CSMD1: variants seen among roughly 807,000 people sequenced by gnomAD.
CSMD1 encodes the protein CUB and Sushi multiple domains 1, also known as CUB and sushi domain-containing protein 1.
A neutral mutation model predicts 417.5 loss-of-function variants in CSMD1; 213 were observed. The observed-to-expected ratio is 0.51, with a 90% CI of 0.46 to 0.57. The LOEUF is 0.57. CSMD1 is among the 20% of genes least tolerant of loss of function. The pLI is 0.00. For missense variants in CSMD1, 6,923 were observed against 4,529.7 expected, an observed-to-expected ratio of 1.53 and a Z score of -15.17; for synonymous variants, 2,862 against 1,736.8, an observed-to-expected ratio of 1.65 and a Z score of -16.11.
At chr8:3,565,374 T>C (rs538488263) in intron 10 of CSMD1, among the ~76,000 whole-genome samples, 17 of 152,166 alleles carry the variant, frequency 1.1e-4, no homozygotes, top group African/African-American at 3.1e-4. Flanking sequence ...AAAGGTCTGA[T>C]TGAATAATGG....
intron 11 of CSMD1, among the ~76,000 whole-genome samples, chr8:3,479,731 C>G (rs1426950161): frequency 6.6e-6 from 1 of 151,780 alleles, no homozygotes; most frequent in Non-Finnish European, 1.5e-5. Flanking sequence ...ACACCAAGAG[C>G]CAAGGAAATC....
At chr8:3,756,675 G>A (rs1251460938) in intron 5 of CSMD1, among the ~76,000 whole-genome samples, 1 of 152,196 alleles carries the variant, frequency 6.6e-6, no homozygotes, top group African/African-American at 2.4e-5. Context: ...AATGTAGGAA[G>A]CTGCATGTAC....
chr8:4,156,739 G>A (rs1208697171), intron 3 of CSMD1, among the ~76,000 whole-genome samples: 1 of 152,164 alleles, frequency 6.6e-6, no homozygotes, highest in African/African-American at 2.4e-5. Flanking sequence ...GCCAGTGACA[G>A]CTTCAACCTT....
At chr8:4,082,922 T>C (rs1244361122) in intron 3 of CSMD1, among the ~76,000 whole-genome samples, 1 of 151,994 alleles carries the variant, frequency 6.6e-6, no homozygotes. Flanking sequence ...ATTTCATCCA[T>C]GTCCTTACAA....
intron 12 of CSMD1, among the ~76,000 whole-genome samples, chr8:3,411,290 C>G (rs1358830885): frequency 6.6e-6 from 1 of 152,104 alleles, no homozygotes; most frequent in Non-Finnish European, 1.5e-5. Context: ...TGGGCTTGCA[C>G]TTTATTATCT....
intron 3 of CSMD1, among the ~76,000 whole-genome samples, chr8:4,132,964 C>T (rs984212727): frequency 6.6e-6 from 1 of 152,116 alleles, no homozygotes; most frequent in African/African-American, 2.4e-5. Context: ...GATGGAGTCT[C>T]GCTCTGTTAT....
intron 1 of CSMD1, among the ~76,000 whole-genome samples, chr8:4,912,638 C>G (rs537959232): frequency 3.3e-4 from 50 of 152,172 alleles, no homozygotes; most frequent in Non-Finnish European, 5.7e-4. Flanking sequence ...TTTGTAAATA[C>G]CTGTGACATG....
chr8:3,302,804 C>G (rs1804520586), intron 25 of CSMD1, among the ~76,000 whole-genome samples: 1 of 152,144 alleles, frequency 6.6e-6, no homozygotes, highest in South Asian at 2.1e-4. Context: ...ACCATGGCAG[C>G]TGAAATGTGA....
chr8:4,307,316 C>G (rs752028549), intron 3 of CSMD1, among the ~76,000 whole-genome samples: 5 of 152,118 alleles, frequency 3.3e-5, no homozygotes, highest in Non-Finnish European at 7.3e-5. Flanking sequence ...ACAGGCATCA[C>G]ACATGTCCAC....
In CSMD1 at chr8:3,091,571, G is replaced by C; in HGVS notation, c.7230C>G (p.Leu2410=). ...TGGTGGCATGGTCAGTGGACCAGCG[G>C]AGATATAACTGATTACTCCTGCTTG... ...NFTSRSNQLY[L]RWSTDHATSK... is the part of the protein sequence containing the mutation. Residue 2410 remains leucine, a synonymous_variant, in exon 48 of 70, where the codon CTC becomes CTG. Coordinates refer to ENST00000635120, the MANE Select transcript of CSMD1 (RefSeq NM_033225.6). 2 of 1,610,486 alleles carry C rather than the reference G, an allele frequency of 1.2e-6. No individual in the cohort carries two copies. Among genetic ancestry groups the C allele is most frequent in the Non-Finnish European group, 1.7e-6 (2 of 1,179,108 alleles).
intron 5 of CSMD1, among the ~76,000 whole-genome samples, chr8:3,809,843 T>C (rs988058800): frequency 1.3e-5 from 2 of 152,176 alleles, no homozygotes; most frequent in African/African-American, 4.8e-5. Context: ...AATGCAGACC[T>C]CTAGAAAAAC....
At chr8:3,204,742 T>A (rs1440616963) in intron 31 of CSMD1, among the ~76,000 whole-genome samples, 1 of 152,228 alleles carries the variant, frequency 6.6e-6, no homozygotes, top group East Asian at 1.9e-4. Flanking sequence ...GTGAGTGCTG[T>A]CTCAGACATA....
intron 1 of CSMD1, among the ~76,000 whole-genome samples, chr8:4,815,366 G>A (rs1313213678): frequency 2.6e-5 from 4 of 152,110 alleles, no homozygotes; most frequent in Admixed American, 1.3e-4. Flanking sequence ...GCCAGCTTGT[G>A]GACACGTAGC....
intron 3 of CSMD1, among the ~76,000 whole-genome samples, chr8:4,115,060 C>G (rs557719305): frequency 6.6e-6 from 1 of 152,134 alleles, no homozygotes; most frequent in Non-Finnish European, 1.5e-5. Context: ...GAAAGAATTG[C>G]TACTCCGAGC....
At chr8:3,059,710 A>C (rs934083271) in intron 49 of CSMD1, among the ~76,000 whole-genome samples, 2 of 152,168 alleles carry the variant, frequency 1.3e-5, no homozygotes, top group Non-Finnish European at 2.9e-5. Context: ...AGGGCAGCCC[A>C]TGAGAGAGAG....
intron 5 of CSMD1, among the ~76,000 whole-genome samples, chr8:3,780,514 T>G (rs111804573): frequency 6.6e-6 from 1 of 152,224 alleles, no homozygotes; most frequent in Non-Finnish European, 1.5e-5. Context: ...AAGTCAATTT[T>G]TGTGGTACTA....
intron 3 of CSMD1, among the ~76,000 whole-genome samples, chr8:4,236,313 G>T (rs545269100): frequency 1.3e-5 from 2 of 152,120 alleles, no homozygotes; most frequent in Non-Finnish European, 2.9e-5. Context: ...GCAGGAAACA[G>T]TATAGTATAG....
At chr8:4,597,148 T>G (rs1449417535) in intron 2 of CSMD1, among the ~76,000 whole-genome samples, 1 of 152,102 alleles carries the variant, frequency 6.6e-6, no homozygotes, top group African/African-American at 2.4e-5. Context: ...ACAAAAGCAG[T>G]TTCCTCTCCT....
intron 7 of CSMD1, among the ~76,000 whole-genome samples, chr8:3,619,134 A>T (rs555265943): frequency 3.9e-5 from 6 of 152,188 alleles, no homozygotes; most frequent in African/African-American, 1.4e-4. Flanking sequence ...GGTCCCAATG[A>T]GAAGATGAGG....
Sources: gnomAD v4.1 joint callset for allele counts (sites outside exome capture counted in the v4.1 genomes callset) on GRCh38, gnomAD v4.1.1 for gene constraint, MANE v1.5 for transcripts, NCBI Gene and HGNC (gene_info 2026-07-23, HGNC 2026-07-21) for gene names.